The following CA8 variants were observed in gnomAD, a reference collection of about 807,000 sequenced individuals.
The protein encoded by CA8 is carbonic anhydrase-related protein.
A neutral mutation model predicts 41.4 loss-of-function variants in CA8; 22 were observed. That is an observed-to-expected ratio of 0.53 (90% CI 0.38 to 0.76). The LOEUF (loss-of-function observed/expected upper bound fraction) is 0.76, where lower values mean the gene tolerates loss of function less well. Ranked by LOEUF, CA8 falls within the 30% of genes least tolerant of loss-of-function variation. CA8 has a pLI of 0.00. For synonymous variants in CA8, 121 were observed against 130.6 expected, an observed-to-expected ratio of 0.93 and a Z score of 0.50; for missense variants, 270 against 352.8, an observed-to-expected ratio of 0.77 and a Z score of 1.88.
Position 60,279,809 on chromosome 8 carries a change from C to T in CA8, c.172G>A (p.Glu58Lys). 6.2e-7 allele frequency: 1 copy of T among 1,614,078 alleles called. No individual in the cohort carries two copies. The highest frequency in any genetic ancestry group is 8.5e-7 in the Non-Finnish European group (1 of 1,179,994). Residue 58 changes from glutamate (E) to lysine (K), a missense_variant, in exon 2 of 9, where the codon GAG becomes AAG. Coordinates refer to ENST00000317995, the MANE Select transcript of CA8 (RefSeq NM_004056.6). ...AACAGCGAGGGGTCATACCTAGCCT[C>T]TCTTGAGTTTAGGTTAATAGGAGAC... is the stretch of plus-strand genomic sequence containing the variant. Reference protein sequence around the residue: ...YQSPINLNSREARYDPSLLDV... With the variant: ...YQSPINLNSRKARYDPSLLDV...
At chr8:60,217,375 C>T (rs538115727) in intron 7 of CA8, among the ~76,000 whole-genome samples, 5 of 152,268 alleles carry the variant, frequency 3.3e-5, no homozygotes, top group African/African-American at 9.6e-5. Flanking sequence ...GAATCTGACA[C>T]TCGTAATCTC....
intron 3 of CA8, among the ~76,000 whole-genome samples, chr8:60,240,910 T>C (rs923031701): frequency 6.6e-6 from 1 of 151,538 alleles, no homozygotes; most frequent in African/African-American, 2.4e-5. Flanking sequence ...GTTCTTATGA[T>C]ACTGGAAATT....
intron 2 of CA8, among the ~76,000 whole-genome samples, 157 bp downstream of exon 2, chr8:60,279,532 G>C (rs896454752): frequency 1.3e-5 from 2 of 152,142 alleles, no homozygotes; most frequent in Non-Finnish European, 2.9e-5. Context: ...GTTTCAGAAG[G>C]TAATTCCCAA....
At chr8:60,266,532 A>G (rs1173947936) in intron 2 of CA8, among the ~76,000 whole-genome samples, 1 of 152,228 alleles carries the variant, frequency 6.6e-6, no homozygotes, top group Non-Finnish European at 1.5e-5. Context: ...TTATCCATGA[A>G]GAGGATTGAT....
chr8:60,278,641 C>T (rs1482482823), intron 2 of CA8, among the ~76,000 whole-genome samples: 1 of 152,210 alleles, frequency 6.6e-6, no homozygotes, highest in African/African-American at 2.4e-5. Context: ...AGCCCAGTAA[C>T]TCTTTTGGGC....
intron 3 of CA8, among the ~76,000 whole-genome samples, chr8:60,248,498 T>C (rs569023331): frequency 6.6e-6 from 1 of 152,230 alleles, no homozygotes. Context: ...GCACCATTTA[T>C]TAAACAGGGA....
chr8:60,193,908 C>T (rs1049144839), intron 8 of CA8, among the ~76,000 whole-genome samples: 1 of 152,122 alleles, frequency 6.6e-6, no homozygotes, highest in Non-Finnish European at 1.5e-5. Context: ...CTCTCTCTAG[C>T]TTATTACGTG....
chr8:60,278,823 G>A (rs1445760629), intron 2 of CA8, among the ~76,000 whole-genome samples: 1 of 152,172 alleles, frequency 6.6e-6, no homozygotes, highest in African/African-American at 2.4e-5. Flanking sequence ...TTTATAGTTT[G>A]AGGTATCAAC....
chr8:60,219,177 T>TC, intron 7 of CA8, among the ~76,000 whole-genome samples: 1 of 151,610 alleles, frequency 6.6e-6, no homozygotes, highest in South Asian at 2.1e-4. Context: ...TTTTTTTTTT[T>TC]AGACGGAGTC....
chr8:60,250,353 C>A (rs1338177748), intron 3 of CA8, among the ~76,000 whole-genome samples: 1 of 152,130 alleles, frequency 6.6e-6, no homozygotes, highest in Admixed American at 6.5e-5. Context: ...CCACAGTTTT[C>A]CAACAAAATA....
At chr8:60,280,591 A>T (rs6998446) in intron 1 of CA8, among the ~76,000 whole-genome samples, 1 of 152,060 alleles carries the variant, frequency 6.6e-6, no homozygotes, top group Non-Finnish European at 1.5e-5. Flanking sequence ...AGACTTGAGC[A>T]TTGCTAGCAG....
intron 8 of CA8, among the ~76,000 whole-genome samples, chr8:60,206,989 G>A (rs1469105615): frequency 4.6e-5 from 7 of 151,648 alleles, no homozygotes; most frequent in Non-Finnish European, 7.4e-5. Context: ...CTGTTGCTGC[G>A]GCCTCCTGCC....
intron 3 of CA8, chr8:60,265,193 G>A (rs1803859224): frequency 1.3e-5 from 2 of 152,358 alleles, no homozygotes; most frequent in African/African-American, 4.8e-5. Flanking sequence ...GGAGTAAAAA[G>A]GGGGTGAGAG....
intron 3 of CA8, among the ~76,000 whole-genome samples, chr8:60,258,055 A>T (rs1803607969): frequency 6.6e-6 from 1 of 152,232 alleles, no homozygotes; most frequent in African/African-American, 2.4e-5. Context: ...ATCGCACGCC[A>T]TGCTGCTACA....
At chr8:60,190,465 ATATATATATAT>A (rs1806087506) in intron 8 of CA8, among the ~76,000 whole-genome samples, 1 of 126,094 alleles carries the variant, frequency 7.9e-6, no homozygotes, top group Non-Finnish European at 1.7e-5. Flanking sequence ...ATATATATAT[ATATATATATAT>A]GACAATAGTA....
chr8:60,221,192 A>G (rs13265912), intron 7 of CA8, among the ~76,000 whole-genome samples: 54,302 of 152,076 alleles, frequency 0.36, 10,116 homozygotes, highest in Admixed American at 0.44. Flanking sequence ...GTCCTTCACC[A>G]GACTAACTTC....
At chr8:60,224,413 A>C in intron 6 of CA8, 124 bp downstream of exon 6, 1 of 686,896 alleles carries the variant, frequency 1.5e-6, no homozygotes, top group Non-Finnish European at 2.6e-6. Flanking sequence ...GTATCTGCTA[A>C]ACAGAATACA....
intron 7 of CA8, among the ~76,000 whole-genome samples, chr8:60,221,252 T>C (rs529777504): frequency 6.6e-6 from 1 of 152,332 alleles, no homozygotes; most frequent in African/African-American, 2.4e-5. Flanking sequence ...GGGTTGGGTT[T>C]CTTCCATATG....
chr8:60,227,951 G>A (rs1456123969), intron 4 of CA8, among the ~76,000 whole-genome samples: 2 of 152,224 alleles, frequency 1.3e-5, no homozygotes, highest in Non-Finnish European at 2.9e-5. Flanking sequence ...TAATGGAGGA[G>A]AGTAATGGAG....
Sources: allele counts gnomAD v4.1 joint callset (sites outside exome capture counted in the v4.1 genomes callset), GRCh38; gene constraint gnomAD v4.1.1; transcripts MANE v1.5; gene names NCBI Gene and HGNC (gene_info 2026-07-23, HGNC 2026-07-21).